GRIA4: variants seen among roughly 807,000 people sequenced by gnomAD.
The protein encoded by GRIA4 is glutamate receptor 4.
In GRIA4, 34 loss-of-function variants were observed where a neutral mutation model predicts 104.0. The ratio of observed to expected loss-of-function variants is 0.33; its 90% confidence interval spans 0.25 to 0.44. The LOEUF is 0.44. GRIA4 is among the 20% of genes least tolerant of loss of function. GRIA4 has a pLI of 1.00. For synonymous variants in GRIA4, 386 were observed against 381.9 expected (o/e 1.01, Z -0.13); for missense variants, 750 against 1,096.5 (o/e 0.68, Z 4.46).
At chr11:105,851,532 A>G (rs925542360) in intron 4 of GRIA4, among the ~76,000 whole-genome samples, 6 of 152,220 alleles carry the variant, frequency 3.9e-5, no homozygotes, top group Non-Finnish European at 7.3e-5. Flanking sequence ...CCCCACATGG[A>G]TGAGGCCAGA....
intron 3 of GRIA4, among the ~76,000 whole-genome samples, chr11:105,734,392 T>C (rs11226835): frequency 0.48 from 72,394 of 151,956 alleles, 17,875 homozygotes; most frequent in Admixed American, 0.58. Context: ...TCACAGCCCT[T>C]GCATTCTAAG....
intron 4 of GRIA4, among the ~76,000 whole-genome samples, chr11:105,839,654 G>A (rs573806282): frequency 6.6e-6 from 1 of 151,816 alleles, no homozygotes; most frequent in East Asian, 1.9e-4. Flanking sequence ...CTTGCAGTGA[G>A]CCGAGATTGC....
chr11:105,751,463 T>C (rs1265488481), intron 3 of GRIA4, among the ~76,000 whole-genome samples: 8 of 152,186 alleles, frequency 5.3e-5, no homozygotes, highest in Admixed American at 5.2e-4. Flanking sequence ...AGAAACTTCC[T>C]TATATCTTGC....
chr11:105,628,938 A>G (rs1283195299), intron 3 of GRIA4, among the ~76,000 whole-genome samples: 1 of 152,130 alleles, frequency 6.6e-6, no homozygotes, highest in Non-Finnish European at 1.5e-5. Context: ...AGAAAACGCC[A>G]TCATCTCAGC....
chr11:105,740,889 T>C (rs1190225795), intron 3 of GRIA4, among the ~76,000 whole-genome samples: 2 of 152,196 alleles, frequency 1.3e-5, no homozygotes, highest in Admixed American at 6.6e-5. Flanking sequence ...ACAAAAGTCA[T>C]TGTGGCTTTT....
intron 2 of GRIA4, among the ~76,000 whole-genome samples, chr11:105,611,898 A>G (rs1366565592): frequency 1.3e-5 from 2 of 152,056 alleles, no homozygotes; most frequent in Non-Finnish European, 2.9e-5. Context: ...GTGGCACTAT[A>G]TCCCTTCATT....
intron 3 of GRIA4, among the ~76,000 whole-genome samples, chr11:105,658,226 C>A (rs1251655306): frequency 4.6e-5 from 7 of 151,672 alleles, no homozygotes; most frequent in Non-Finnish European, 5.9e-5. Context: ...ACATATATTT[C>A]TAGTATTCAA....
At chr11:105,624,799 T>C (rs907293201) in intron 3 of GRIA4, among the ~76,000 whole-genome samples, 14 of 152,130 alleles carry the variant, frequency 9.2e-5, no homozygotes, top group African/African-American at 3.1e-4. Flanking sequence ...CTCTGACAAC[T>C]AGGAAGCTCA....
At chr11:105,699,021 C>T (rs1016345104) in intron 3 of GRIA4, among the ~76,000 whole-genome samples, 1 of 152,228 alleles carries the variant, frequency 6.6e-6, no homozygotes, top group African/African-American at 2.4e-5. Flanking sequence ...TAACTTCCTA[C>T]AACTATTTCC....
intron 5 of GRIA4, among the ~76,000 whole-genome samples, chr11:105,869,725 G>A (rs978964404): frequency 1.3e-5 from 2 of 152,014 alleles, no homozygotes; most frequent in Non-Finnish European, 2.9e-5. Context: ...GTAATAAAGT[G>A]TGCTCTCTGC....
intron 4 of GRIA4, among the ~76,000 whole-genome samples, chr11:105,784,836 T>C (rs142928032): frequency 3.7e-4 from 57 of 152,248 alleles, no homozygotes; most frequent in African/African-American, 1.3e-3. Context: ...GAAAAAAATA[T>C]TTTTTAAAAA....
In GRIA4 at chr11:105,979,862, C is replaced by T. The variant is rs752302599; in HGVS notation, c.*123C>T. The stretch of plus-strand genomic sequence containing the variant: ...ATCCTTTGGCTGAGAGCGGGAAGTC[C>T]GTCCTAACGCGCTGGCCGGACATCA... On this transcript the variant is annotated 3_prime_UTR_variant, in exon 17 of 17. Transcript: ENST00000282499. 1.1e-5 allele frequency: 7 copies of T among 648,712 alleles called. No individual in the cohort carries two copies. Among genetic ancestry groups the T allele is most frequent in the Admixed American group, 2.7e-5 (1 of 36,556 alleles). The allele number at this position is 648,712 out of a possible 1,614,324, so 40.2% of individuals were successfully genotyped here.
chr11:105,888,979 T>C (rs528679222), intron 6 of GRIA4, among the ~76,000 whole-genome samples: 32 of 152,216 alleles, frequency 2.1e-4, no homozygotes, highest in African/African-American at 7.5e-4. Context: ...TATTAATTAC[T>C]ATAAGAGAAA....
chr11:105,843,645 A>G lies in GRIA4; in HGVS notation c.488-18379A>G, dbSNP rs565356204. On this transcript the variant is annotated intron_variant, in intron 4 of 16. Transcript: ENST00000282499. ...GATCTAGAATCCTTTGCTCTCAAAC[A>G]CTTGATTCCAGTTCCTGGCCCTCAG... Among the ~76,000 whole-genome samples the G allele has an allele frequency of 1.3e-4, 20 of 152,312 alleles. No homozygotes were observed. In the East Asian group the frequency reaches 3.9e-3, roughly 29 times the overall value.
At chr11:105,644,323 T>C (rs1029117894) in intron 3 of GRIA4, among the ~76,000 whole-genome samples, 2 of 152,002 alleles carry the variant, frequency 1.3e-5, no homozygotes, top group African/African-American at 2.4e-5. Flanking sequence ...CAGGCACCTT[T>C]GGCTCGCGCC....
chr11:105,686,991 AT>A (rs900804078), intron 3 of GRIA4, among the ~76,000 whole-genome samples: 5 of 151,580 alleles, frequency 3.3e-5, no homozygotes, highest in Admixed American at 6.6e-5. Context: ...AGTTAGTGAA[AT>A]TTTTTTTCAC....
chr11:105,901,700 A>T (rs1414376995), intron 7 of GRIA4, among the ~76,000 whole-genome samples: 3 of 152,216 alleles, frequency 2.0e-5, no homozygotes, highest in Non-Finnish European at 4.4e-5. Context: ...TTTGCTCTGC[A>T]CCACTCTGTG....
chr11:105,683,883 C>CT lies in GRIA4; in HGVS notation c.248-69088dup, dbSNP rs920422086. Among the ~76,000 whole-genome samples the CT allele has an allele frequency of 4.4e-4, 65 of 148,148 alleles. No homozygotes were observed. The East Asian group carries it at 6.6e-3, about 15-fold the overall frequency. ...GAAATAGAAAAAATAGAAATAAATGCTTTTTTTTTTGAGATGGAGTCTCTC... is the reference window on the plus strand; with the variant it reads ...GAAATAGAAAAAATAGAAATAAATGCTTTTTTTTTTTGAGATGGAGTCTCTC... On this transcript the variant is annotated intron_variant, in intron 3 of 16. Coordinates refer to ENST00000282499, the MANE Select transcript of GRIA4 (RefSeq NM_000829.4).
chr11:105,785,637 A>G (rs1283691008), intron 4 of GRIA4, among the ~76,000 whole-genome samples: 2 of 152,164 alleles, frequency 1.3e-5, no homozygotes, highest in African/African-American at 2.4e-5. Context: ...AGTGATGTTT[A>G]TATCTTTAAG....
Sources: allele counts gnomAD v4.1 joint callset (sites outside exome capture counted in the v4.1 genomes callset), GRCh38; gene constraint gnomAD v4.1.1; transcripts MANE v1.5; gene names NCBI Gene and HGNC (gene_info 2026-07-23, HGNC 2026-07-21).